Variants in FOCAD observed in about 807,000 individuals in gnomAD.
The protein encoded by FOCAD is KIAA1797.
FOCAD carries 198 observed loss-of-function variants against 225.6 expected under a neutral mutation model. The ratio of observed to expected loss-of-function variants is 0.88; its 90% CI spans 0.78 to 0.99. The LOEUF (loss-of-function observed/expected upper bound fraction) is 0.99, where lower values mean the gene tolerates loss of function less well. FOCAD is among the 50% of genes least tolerant of loss of function. The probability of loss-of-function intolerance (pLI) is 0.00; values close to 1 mark genes in which losing one functional copy is unlikely to be tolerated. For synonymous variants in FOCAD, 897 were observed against 755.0 expected (o/e 1.19, Z -3.08); for missense variants, 2,713 against 2,123.6 (o/e 1.28, Z -5.46).
chr9:20,772,539 A>G (rs1026184965), intron 8 of FOCAD, among the ~76,000 whole-genome samples: 18 of 152,204 alleles, frequency 1.2e-4, no homozygotes, highest in African/African-American at 3.6e-4. Context: ...GAATATCTCA[A>G]TAAGAGGGAG....
At chr9:20,854,888 C>G (rs1191798793) in intron 15 of FOCAD, among the ~76,000 whole-genome samples, 2 of 151,740 alleles carry the variant, frequency 1.3e-5, no homozygotes, top group Non-Finnish European at 3.0e-5. Flanking sequence ...CTGGCAGTTT[C>G]CTTAGCACTT....
chr9:20,784,210 C>T (rs991264570), intron 10 of FOCAD, among the ~76,000 whole-genome samples: 1 of 152,168 alleles, frequency 6.6e-6, no homozygotes, highest in Admixed American at 6.5e-5. Flanking sequence ...CCACTGGAAG[C>T]CACCTCTGGG....
chr9:20,981,032 G>A (rs1161802247), intron 37 of FOCAD, among the ~76,000 whole-genome samples: 1 of 152,194 alleles, frequency 6.6e-6, no homozygotes, highest in Non-Finnish European at 1.5e-5. Context: ...ATTTTCAGCA[G>A]TTGAGCCTTT....
At chr9:20,850,781 C>T (rs1256265331) in intron 15 of FOCAD, among the ~76,000 whole-genome samples, 1 of 150,180 alleles carries the variant, frequency 6.7e-6, no homozygotes, top group African/African-American at 2.4e-5. Flanking sequence ...AATATTATTT[C>T]CTCCAGGAAC....
chr9:20,798,058 C>G (rs542648001), intron 11 of FOCAD, among the ~76,000 whole-genome samples: 245 of 152,070 alleles, frequency 1.6e-3, no homozygotes, highest in African/African-American at 5.0e-3. Flanking sequence ...TAGCATGAAG[C>G]ATTGTTGAAT....
intron 4 of FOCAD, among the ~76,000 whole-genome samples, chr9:20,727,430 A>T (rs543722586): frequency 5.5e-4 from 84 of 152,224 alleles, no homozygotes; most frequent in Non-Finnish European, 9.8e-4. Context: ...AAAATGCTTC[A>T]GAAGAAATCA....
chr9:20,701,890 T>C (rs1350109968), intron 1 of FOCAD, among the ~76,000 whole-genome samples: 4 of 152,210 alleles, frequency 2.6e-5, no homozygotes, highest in African/African-American at 9.6e-5. Context: ...GAATTTGATT[T>C]AACACGTATG....
At chr9:20,750,781 CT>C (rs538723498) in intron 5 of FOCAD, among the ~76,000 whole-genome samples, 5 of 151,738 alleles carry the variant, frequency 3.3e-5, no homozygotes, top group African/African-American at 1.2e-4. Flanking sequence ...AATAGAAGTC[CT>C]TTTTTTTGAG....
chr9:20,751,678 T>C (rs1828562512), intron 5 of FOCAD, among the ~76,000 whole-genome samples: 1 of 148,500 alleles, frequency 6.7e-6, no homozygotes, highest in African/African-American at 2.5e-5. Flanking sequence ...TACCCAGTAA[T>C]GGGATGACTG....
intron 42 of FOCAD, 28 bp downstream of exon 42, chr9:20,990,402 G>A: frequency 2.5e-6 from 4 of 1,609,182 alleles, no homozygotes; most frequent in African/African-American, 1.3e-5. Context: ...CTGCTTAGCA[G>A]GGCAGGCAGC....
intron 35 of FOCAD, among the ~76,000 whole-genome samples, chr9:20,972,816 G>C (rs1305810809): frequency 2.6e-5 from 4 of 152,060 alleles, no homozygotes; most frequent in Non-Finnish European, 4.4e-5. Flanking sequence ...TCAGTGTGCT[G>C]ATTTTACCTC....
At chr9:20,981,321 T>C (rs1363767603) in intron 37 of FOCAD, 105 bp from the exon 38 acceptor site, 26 of 1,317,430 alleles carry the variant, frequency 2.0e-5, no homozygotes, top group Non-Finnish European at 2.7e-5. Flanking sequence ...ACCTGAACCT[T>C]TTATCTCTCA....
At chr9:20,969,818 C>A (rs1466119994) in intron 35 of FOCAD, among the ~76,000 whole-genome samples, 1 of 151,370 alleles carries the variant, frequency 6.6e-6, no homozygotes, top group African/African-American at 2.4e-5. Flanking sequence ...AAATTATTAT[C>A]TAGATTACTA....
At chr9:20,870,318 G>T (rs1829649738) in intron 18 of FOCAD, among the ~76,000 whole-genome samples, 1 of 152,160 alleles carries the variant, frequency 6.6e-6, no homozygotes, top group Admixed American at 6.6e-5. Flanking sequence ...AATAATTTAT[G>T]CAGATACTTG....
chr9:20,759,782 T>A (rs1346148320), intron 6 of FOCAD, among the ~76,000 whole-genome samples: 1 of 152,206 alleles, frequency 6.6e-6, no homozygotes, highest in Non-Finnish European at 1.5e-5. Context: ...TAAGCATTGG[T>A]AAGTGGTTAG....
At chr9:20,827,041 G>C (rs1760235772) in intron 15 of FOCAD, among the ~76,000 whole-genome samples, 1 of 151,970 alleles carries the variant, frequency 6.6e-6, no homozygotes, top group African/African-American at 2.4e-5. Flanking sequence ...CAATTTTATT[G>C]AGATATAATT....
At chr9:20,897,961 AG>A (rs1832239609) in intron 21 of FOCAD, among the ~76,000 whole-genome samples, 1 of 151,784 alleles carries the variant, frequency 6.6e-6, no homozygotes, top group African/African-American at 2.4e-5. Flanking sequence ...TGCTTGTCTG[AG>A]CAAGGCTTTA....
intron 15 of FOCAD, among the ~76,000 whole-genome samples, chr9:20,831,508 G>T (rs1825489341): frequency 6.6e-6 from 1 of 152,034 alleles, no homozygotes. Context: ...AGTCTGGTAG[G>T]GGAAACATGG....
chr9:20,923,926 A>G (rs1450802910), intron 25 of FOCAD, among the ~76,000 whole-genome samples, 158 bp downstream of exon 25: 2 of 152,232 alleles, frequency 1.3e-5, no homozygotes, highest in East Asian at 3.9e-4. Context: ...GTGTCTTCCT[A>G]ACTTTGCTGC....
Sources: allele counts gnomAD v4.1 joint callset (sites outside exome capture counted in the v4.1 genomes callset), GRCh38; gene constraint gnomAD v4.1.1; transcripts MANE v1.5; gene names NCBI Gene and HGNC (gene_info 2026-07-23, HGNC 2026-07-21).